Variants in LRATD1 observed in about 807,000 individuals in gnomAD.
The protein encoded by LRATD1 is protein LRATD1.
LRATD1 carries 8 observed loss-of-function variants against 21.3 expected under a neutral mutation model. The ratio of observed to expected loss-of-function variants is 0.38; its 90% CI spans 0.22 to 0.68. The LOEUF (loss-of-function observed/expected upper bound fraction) is 0.68, where lower values mean the gene tolerates loss of function less well. Among genes scored for constraint, LRATD1 ranks in the 30% least tolerant of loss-of-function variants. The pLI is 0.54. For synonymous variants in LRATD1, 210 were observed against 186.2 expected (o/e 1.13, Z -1.04); for missense variants, 380 against 404.0 (o/e 0.94, Z 0.51).
In LRATD1 at chr2:14,638,494, G is replaced by C. The variant is rs1476140716; in HGVS notation, c.*3636G>C. 6.0e-6 allele frequency: 1 copy of C among 166,752 alleles called. No individual in the cohort carries two copies. Among genetic ancestry groups the C allele is most frequent in the Non-Finnish European group, 1.5e-5 (1 of 68,020 alleles). The allele number at this position is 166,752 out of a possible 1,614,324, so 10.3% of individuals were successfully genotyped here. On this transcript the variant is annotated 3_prime_UTR_variant, in exon 2 of 2. Coordinates refer to ENST00000295092, the MANE Select transcript of LRATD1 (RefSeq NM_145175.4). ...TGGTGAACACTTTTGTTAGAACATGGCTTTTTTATTTTTCTTGGAAAAATA... is the reference window on the plus strand; with the variant it reads ...TGGTGAACACTTTTGTTAGAACATGCCTTTTTTATTTTTCTTGGAAAAATA...
At position 14,639,462 on chromosome 2, in the gene LRATD1, A is replaced by C. The variant is rs1671763434; in HGVS notation, c.*4604A>C. ...GACACCTGTTCTCCCTTCTAACTGAAGACACTAAAGAGAAGCTAAGATCCT... is the reference window on the plus strand; with the variant it reads ...GACACCTGTTCTCCCTTCTAACTGACGACACTAAAGAGAAGCTAAGATCCT... On this transcript the variant is annotated 3_prime_UTR_variant, in exon 2 of 2. Coordinates refer to ENST00000295092, the MANE Select transcript of LRATD1 (RefSeq NM_145175.4). 6.0e-6 allele frequency: 1 copy of C among 166,850 alleles called. No individual in the cohort carries two copies. Among genetic ancestry groups the C allele is most frequent in the Non-Finnish European group, 1.5e-5 (1 of 68,118 alleles). The allele number at this position is 166,850 out of a possible 1,614,324, so 10.3% of individuals were successfully genotyped here.
chr2:14,644,284 A>G (rs1445315178), downstream of LRATD1, among the ~76,000 whole-genome samples: 1 of 152,184 alleles, frequency 6.6e-6, no homozygotes, highest in Non-Finnish European at 1.5e-5. Context: ...GAAGGTATAC[A>G]TCAGCTTCAA....
chr2:14,638,615 T>G lies in LRATD1; in HGVS notation c.*3757T>G. 1 of 167,160 alleles carries G rather than the reference T, an allele frequency of 6.0e-6. No individual in the cohort carries two copies. The allele number at this position is 167,160 out of a possible 1,614,324, so 10.4% of individuals were successfully genotyped here. A position where few individuals can be genotyped will look rare whatever the true frequency, so the allele number is the denominator to read the frequency against. Reference sequence around the variant, plus strand: ...TTTATTGATTACTTATGTTTTGTGGTGCGCTTTCAACATCCCTAAGAGTTA... The same window carrying G: ...TTTATTGATTACTTATGTTTTGTGGGGCGCTTTCAACATCCCTAAGAGTTA... On this transcript the variant is annotated 3_prime_UTR_variant, in exon 2 of 2. Transcript: ENST00000295092.
In LRATD1 at chr2:14,633,434, G is replaced by A. The variant is rs1671600408; in HGVS notation, c.-37+497G>A. Among the ~76,000 whole-genome samples the A allele has an allele frequency of 6.6e-6, 1 of 152,212 alleles. No homozygotes were observed. Among genetic ancestry groups the A allele is most frequent in the African/African-American group, 2.4e-5 (1 of 41,462 alleles). On this transcript the variant is annotated intron_variant, in intron 1 of 1. Coordinates refer to ENST00000295092, the MANE Select transcript of LRATD1 (RefSeq NM_145175.4). This position sits in a 1 kb window ranked among gnomAD's most constrained non-coding sequence, Gnocchi z 7.5. ...AAAATGTTGCTGGTGTCAAGTGAATGCCTGAGAATGTGTCTGATTGTCATT... is the reference window on the plus strand; with the variant it reads ...AAAATGTTGCTGGTGTCAAGTGAATACCTGAGAATGTGTCTGATTGTCATT...
At chr2:14,651,004 A>T (rs1009045422), downstream of LRATD1, among the ~76,000 whole-genome samples, 3 of 152,270 alleles carry the variant, frequency 2.0e-5, no homozygotes, top group Admixed American at 1.3e-4. Flanking sequence ...GTGAAATCTC[A>T]CATTCTTTAT....
chr2:14,635,514 C>G lies in LRATD1; in HGVS notation c.*656C>G, dbSNP rs900737618. 3 of 471,110 alleles carry G rather than the reference C, an allele frequency of 6.4e-6. No individual in the cohort carries two copies. Among genetic ancestry groups the G allele is most frequent in the African/African-American group, 6.0e-5 (3 of 50,094 alleles). 29.2% of individuals were successfully genotyped at this position (471,110 alleles called of 1,614,324 possible). A position where few individuals can be genotyped will look rare whatever the true frequency, so the allele number is the denominator to read the frequency against. On this transcript the variant is annotated 3_prime_UTR_variant, in exon 2 of 2. Transcript: ENST00000295092. ...GTTCCAGGCTGCGGGCTAAGCCAGA[C>G]AGTGTTTGCCTCCGGTTCTTTCCAC...
In LRATD1 at chr2:14,634,345, C is replaced by G. The variant is rs1671629436; in HGVS notation, c.366C>G (p.Pro122=). 1 of 1,584,000 alleles carries G rather than the reference C, an allele frequency of 6.3e-7. No homozygotes were observed. The highest frequency in any genetic ancestry group is 8.6e-7 in the Non-Finnish European group (1 of 1,168,340). ...AVTALPALCE[P]GDLLELLWLQ... is the part of the protein sequence containing the mutation. ...CCGCGCTGCCAGCGCTCTGCGAACC[C>G]GGCGACCTGCTGGAGCTGCTGTGGC... The change falls in exon 2 of 2, where the codon CCC becomes CCG. Residue 122 remains proline, a synonymous_variant. Transcript: ENST00000295092.
chr2:14,633,025 C>A lies in LRATD1; in HGVS notation c.-37+88C>A, dbSNP rs1671587814. 6.6e-6 allele frequency: 1 copy of A among 152,384 alleles called. No homozygotes were observed. The highest frequency in any genetic ancestry group is 2.4e-5 in the African/African-American group (1 of 41,432). The allele number at this position is 152,384 out of a possible 1,614,324, so 9.4% of individuals were successfully genotyped here. The stretch of plus-strand genomic sequence containing the variant: ...TGTGCTGGGTAGGAGGGAGAGGGGT[C>A]TTTGGGCTAAAAGTGAACCTCTCTA... On this transcript the variant is annotated intron_variant, in intron 1 of 1. Transcript: ENST00000295092. The surrounding 1 kb of genome is among the most constrained non-coding windows in gnomAD (Gnocchi z 7.5).
At chr2:14,641,283 G>A (rs1405538610), downstream of LRATD1, among the ~76,000 whole-genome samples, 1 of 152,140 alleles carries the variant, frequency 6.6e-6, no homozygotes, top group African/African-American at 2.4e-5. Context: ...TAGTGCAGGA[G>A]AAGCCTCAGA....
At chr2:14,649,510 A>T (rs1671965084) in intron 5 of LRATD1, 1 of 382,130 alleles carries the variant, frequency 2.6e-6, no homozygotes, top group Non-Finnish European at 5.2e-6. Context: ...ATATCAGGAG[A>T]TCCCACCCAA....
rs1671731563 is a variant in LRATD1 at position 14,638,229 on chromosome 2, AAAAAAC to A, written c.*3372_*3377del. On this transcript the variant is annotated 3_prime_UTR_variant, in exon 2 of 2. Coordinates refer to ENST00000295092, the MANE Select transcript of LRATD1 (RefSeq NM_145175.4). ...AGTACATTCCAAAAAAAAAAAAAAAAAAAAACTATAGAATTTACGTATGTTACATTT... is the reference window on the plus strand; with the variant it reads ...AGTACATTCCAAAAAAAAAAAAAAAATATAGAATTTACGTATGTTACATTT... 1 of 165,870 alleles carries A rather than the reference AAAAAAC, an allele frequency of 6.0e-6. No individual in the cohort carries two copies. Among genetic ancestry groups the A allele is most frequent in the African/African-American group, 2.4e-5 (1 of 41,154 alleles). 10.3% of individuals were successfully genotyped at this position (165,870 alleles called of 1,614,324 possible).
rs1271890023 is a variant in LRATD1, at chr2:14,635,658, G to GCCCCGC, written c.*806_*811dup. 5 of 468,314 alleles carry GCCCCGC rather than the reference G, an allele frequency of 1.1e-5. No homozygotes were observed. The highest frequency in any genetic ancestry group is 1.8e-5 in the Non-Finnish European group (4 of 225,320). The allele number at this position is 468,314 out of a possible 1,614,324, so 29.0% of individuals were successfully genotyped here. ...GCTGCGAATTCGGTGAGGACAGCCGGCCCCGCCCCCGACAAGGAGCTCGCT... is the reference window on the plus strand; with the variant it reads ...GCTGCGAATTCGGTGAGGACAGCCGGCCCCGCCCCCGCCCCCGACAAGGAGCTCGCT... On this transcript the variant is annotated 3_prime_UTR_variant, in exon 2 of 2. Coordinates refer to ENST00000295092, the MANE Select transcript of LRATD1 (RefSeq NM_145175.4).
downstream of LRATD1, among the ~76,000 whole-genome samples, chr2:14,641,352 G>A (rs975976010): frequency 2.6e-5 from 4 of 151,964 alleles, no homozygotes; most frequent in East Asian, 5.8e-4. Flanking sequence ...GTGTAGGTGC[G>A]GGTGGGTAGG....
In LRATD1 at chr2:14,634,899, C is replaced by G; in HGVS notation, c.*41C>G. ...CGGCCCCTCTGCCTCCCCCGCACCT[C>G]GCTCCCTTCCCTTCCCCGCACCCGG... On this transcript the variant is annotated 3_prime_UTR_variant, in exon 2 of 2. Coordinates refer to ENST00000295092, the MANE Select transcript of LRATD1 (RefSeq NM_145175.4). 4.4e-6 allele frequency: 7 copies of G among 1,575,742 alleles called. No individual in the cohort carries two copies. Among genetic ancestry groups the G allele is most frequent in the Non-Finnish European group, 6.0e-6 (7 of 1,159,514 alleles).
At position 14,638,337 on chromosome 2, in the gene LRATD1, A is replaced by T. The variant is rs1671733986; in HGVS notation, c.*3479A>T. 1 of 166,686 alleles carries T rather than the reference A, an allele frequency of 6.0e-6. No individual in the cohort carries two copies. The highest frequency in any genetic ancestry group is 2.1e-4 in the South Asian group (1 of 4,824). The allele number at this position is 166,686 out of a possible 1,614,324, so 10.3% of individuals were successfully genotyped here. On this transcript the variant is annotated 3_prime_UTR_variant, in exon 2 of 2. Transcript: ENST00000295092. ...AGCTGTTGTCATGACAGTATTTTTTAAAAATAATAACGTATATTATAGTTA... is the reference window on the plus strand; with the variant it reads ...AGCTGTTGTCATGACAGTATTTTTTTAAAATAATAACGTATATTATAGTTA...
Position 14,638,398 on chromosome 2 carries a change from GA to G in LRATD1, c.*3542del, listed in dbSNP as rs1164384295. On this transcript the variant is annotated 3_prime_UTR_variant, in exon 2 of 2. Transcript: ENST00000295092. ...GTGCCAGATTAGAACATCAAGCACA[GA>G]AGCAGCTGTATGATTTACCTGTTTT... 1 of 166,926 alleles carries G rather than the reference GA, an allele frequency of 6.0e-6. No individual in the cohort carries two copies. Among genetic ancestry groups the G allele is most frequent in the African/African-American group, 2.4e-5 (1 of 41,428 alleles). 10.3% of individuals were successfully genotyped at this position (166,926 alleles called of 1,614,324 possible). A position where few individuals can be genotyped will look rare whatever the true frequency, so the allele number is the denominator to read the frequency against.
At chr2:14,640,308 A>C (rs1299513718), downstream of LRATD1, among the ~76,000 whole-genome samples, 7 of 152,196 alleles carry the variant, frequency 4.6e-5, no homozygotes, top group African/African-American at 1.4e-4. Flanking sequence ...TGTTTTTCTA[A>C]ATACACATTA....
At position 14,634,429 on chromosome 2, in the gene LRATD1, C is replaced by G; in HGVS notation, c.450C>G (p.Gly150=). 1 of 1,523,492 alleles carries G rather than the reference C, an allele frequency of 6.6e-7. No homozygotes were observed. The highest frequency in any genetic ancestry group is 8.8e-7 in the Non-Finnish European group (1 of 1,139,410). 94.4% of individuals were successfully genotyped at this position (1,523,492 alleles called of 1,614,324 possible). ...PAPHWAVYVG[G]GQIIHLHQGE... The stretch of plus-strand genomic sequence containing the variant: ...CGCACTGGGCCGTCTACGTGGGCGG[C>G]GGGCAGATCATCCACCTGCACCAAG... The change falls in exon 2 of 2, where the codon GGC becomes GGG. Residue 150 remains glycine (G), a synonymous_variant. Coordinates refer to ENST00000295092, the MANE Select transcript of LRATD1 (RefSeq NM_145175.4).
intron 2 of LRATD1, among the ~76,000 whole-genome samples, chr2:14,645,727 C>T (rs1219266332): frequency 1.3e-5 from 2 of 152,068 alleles, no homozygotes; most frequent in Non-Finnish European, 2.9e-5. Context: ...ATTTTGTTTC[C>T]TTTGAAAAAA....
Sources: allele counts gnomAD v4.1 joint callset (sites outside exome capture counted in the v4.1 genomes callset), GRCh38; gene constraint gnomAD v4.1.1; non-coding constraint Gnocchi (gnomAD v3.1); transcripts MANE v1.5; gene names NCBI Gene and HGNC (gene_info 2026-07-23, HGNC 2026-07-21).